GRIK4: variants seen among roughly 807,000 people sequenced by gnomAD.
GRIK4 encodes glutamate receptor ionotropic, kainate 4.
A neutral mutation model predicts 104.9 loss-of-function variants in GRIK4; 40 were observed. The ratio of observed to expected loss-of-function variants is 0.38; its 90% CI spans 0.30 to 0.50. The LOEUF (loss-of-function observed/expected upper bound fraction) is 0.50. Ranked by LOEUF, GRIK4 falls within the 20% of genes least tolerant of loss-of-function variation. GRIK4 has a pLI of 0.93. For synonymous variants in GRIK4, 485 were observed against 524.9 expected, an observed-to-expected ratio of 0.92 and a Z score of 1.04; for missense variants, 1,047 against 1,308.1, an observed-to-expected ratio of 0.80 and a Z score of 3.08.
intron 1 of GRIK4, chr11:120,564,535 C>A (rs1023023689): frequency 6.6e-6 from 1 of 152,192 alleles, no homozygotes; most frequent in Non-Finnish European, 1.5e-5. Flanking sequence ...CCAGAGAGGA[C>A]CCCATCCCCT....
intron 13 of GRIK4, among the ~76,000 whole-genome samples, chr11:120,927,469 A>G (rs1378495766): frequency 6.7e-6 from 1 of 149,606 alleles, no homozygotes; most frequent in African/African-American, 2.5e-5. Flanking sequence ...CAGGAGGCTG[A>G]GGCAGGAGAA....
intron 3 of GRIK4, among the ~76,000 whole-genome samples, chr11:120,785,800 C>T (rs1952257328): frequency 1.3e-5 from 2 of 152,202 alleles, no homozygotes; most frequent in Non-Finnish European, 2.9e-5. Context: ...CTGTGCATGC[C>T]TCCGCGTCTC....
intron 1 of GRIK4, among the ~76,000 whole-genome samples, chr11:120,651,295 G>T (rs188231825): frequency 6.6e-6 from 1 of 152,148 alleles, no homozygotes; most frequent in Non-Finnish European, 1.5e-5. Context: ...GCTATTGTCT[G>T]CAGTTTTACA....
intron 1 of GRIK4, among the ~76,000 whole-genome samples, chr11:120,514,410 A>G (rs1485243239): frequency 1.3e-5 from 2 of 152,192 alleles, no homozygotes; most frequent in African/African-American, 2.4e-5. Flanking sequence ...TGGATGCCTC[A>G]TCCAAGGCTC....
intron 1 of GRIK4, among the ~76,000 whole-genome samples, chr11:120,582,166 A>G (rs1011478388): frequency 1.3e-5 from 2 of 151,952 alleles, no homozygotes; most frequent in African/African-American, 4.8e-5. Flanking sequence ...AGAACCTAAC[A>G]GAAGTTTCTT....
chr11:120,567,723 C>T (rs560098354), intron 1 of GRIK4, among the ~76,000 whole-genome samples: 40 of 152,308 alleles, frequency 2.6e-4, no homozygotes, highest in Admixed American at 1.1e-3. Context: ...ATTCCCTTCT[C>T]AGACACTTGT....
intron 8 of GRIK4, among the ~76,000 whole-genome samples, chr11:120,844,866 G>A (rs926211732): frequency 1.4e-4 from 22 of 152,280 alleles, no homozygotes; most frequent in African/African-American, 3.4e-4. Context: ...TGAGGCCCAG[G>A]GTTGGCACCA....
chr11:120,863,718 A>C (rs1954320004), intron 9 of GRIK4, among the ~76,000 whole-genome samples: 1 of 152,248 alleles, frequency 6.6e-6, no homozygotes, highest in Non-Finnish European at 1.5e-5. Context: ...AGTCATATCT[A>C]GACATCTATA....
intron 1 of GRIK4, among the ~76,000 whole-genome samples, chr11:120,594,200 G>A (rs561911893): frequency 3.9e-5 from 6 of 152,362 alleles, no homozygotes; most frequent in African/African-American, 1.4e-4. Context: ...AAATCCTGCT[G>A]GGCGCAGTGG....
At chr11:120,782,577 G>T (rs1419816422) in intron 3 of GRIK4, among the ~76,000 whole-genome samples, 1 of 152,134 alleles carries the variant, frequency 6.6e-6, no homozygotes, top group East Asian at 1.9e-4. Context: ...GAGCCACCGC[G>T]CCTGGCCGCC....
intron 1 of GRIK4, among the ~76,000 whole-genome samples, chr11:120,630,146 G>A (rs527250905): frequency 6.6e-6 from 1 of 152,300 alleles, no homozygotes; most frequent in African/African-American, 2.4e-5. Context: ...GCCCAGCCCA[G>A]CTGCAGGCTA....
chr11:120,802,093 T>C (rs554987056), intron 3 of GRIK4, among the ~76,000 whole-genome samples: 85 of 152,314 alleles, frequency 5.6e-4, no homozygotes, highest in Admixed American at 9.1e-4. Context: ...ACACCAACCC[T>C]GTGAGGTTGT....
intron 3 of GRIK4, among the ~76,000 whole-genome samples, chr11:120,768,885 A>G (rs965147804): frequency 3.3e-5 from 5 of 152,230 alleles, no homozygotes; most frequent in Non-Finnish European, 7.3e-5. Flanking sequence ...TGCCAGGCAT[A>G]AATCCAACTT....
chr11:120,967,390 A>G lies in GRIK4; in HGVS notation c.2395+67A>G. On this transcript the variant is annotated intron_variant, in intron 19 of 20. Transcript: ENST00000527524. The surrounding 1 kb of genome is among the most constrained non-coding windows in gnomAD (Gnocchi z 4.2). ...CAAAGTAGCTTGTTTCTCGTGTTCA[A>G]ATTCCAGGTACACATAATGACTTGT... 6.6e-7 allele frequency: 1 copy of G among 1,511,356 alleles called. No homozygotes were observed. Among genetic ancestry groups the G allele is most frequent in the Non-Finnish European group, 9.0e-7 (1 of 1,115,112 alleles). The allele number at this position is 1,511,356 out of a possible 1,614,324, so 93.6% of individuals were successfully genotyped here.
chr11:120,917,816 C>G (rs1036863089), intron 13 of GRIK4, among the ~76,000 whole-genome samples: 4 of 152,214 alleles, frequency 2.6e-5, no homozygotes, highest in Non-Finnish European at 5.9e-5. Context: ...GCCTGGGAAA[C>G]TTATCAGTTC....
intron 18 of GRIK4, among the ~76,000 whole-genome samples, chr11:120,964,507 G>A (rs957499767): frequency 6.6e-6 from 1 of 152,168 alleles, no homozygotes; most frequent in Non-Finnish European, 1.5e-5. Context: ...ACCTTTGAGA[G>A]ATATACTCGC....
At chr11:120,788,164 C>T (rs1196958282) in intron 3 of GRIK4, among the ~76,000 whole-genome samples, 4 of 151,994 alleles carry the variant, frequency 2.6e-5, no homozygotes, top group Non-Finnish European at 4.4e-5. Flanking sequence ...CCACCACATC[C>T]GGCTGCCTTG....
intron 1 of GRIK4, among the ~76,000 whole-genome samples, chr11:120,606,153 G>A (rs113869438): frequency 1.2e-4 from 19 of 152,210 alleles, no homozygotes; most frequent in African/African-American, 2.9e-4. Context: ...ATTGAATATC[G>A]CATTTTGATA....
At chr11:120,868,917 TC>T (rs1405672236) in intron 9 of GRIK4, 1 of 152,180 alleles carries the variant, frequency 6.6e-6, no homozygotes, top group Non-Finnish European at 1.5e-5. Flanking sequence ...AAACTGCTTC[TC>T]CCTGACTGTA....
Sources: allele counts gnomAD v4.1 joint callset (sites outside exome capture counted in the v4.1 genomes callset), GRCh38; gene constraint gnomAD v4.1.1; non-coding constraint Gnocchi (gnomAD v3.1); transcripts MANE v1.5; gene names NCBI Gene and HGNC (gene_info 2026-07-23, HGNC 2026-07-21).